Variants in DRC9 observed in about 807,000 individuals in gnomAD.
DRC9 encodes the protein dynein regulatory complex subunit 9.
the DRC9 span, chr3:197,950,860 G>C: frequency 2.2e-6 from 3 of 1,383,772 alleles, no homozygotes; most frequent in Non-Finnish European, 3.1e-6. Flanking sequence ...ATTTGCTTTA[G>C]GGGCTTAAAC....
At chr3:197,929,880 C>T in the DRC9 span, among the ~76,000 whole-genome samples, 1 of 151,718 alleles carries the variant, frequency 6.6e-6, no homozygotes, top group Non-Finnish European at 1.5e-5. This position sits in a 1 kb window ranked among gnomAD's most constrained non-coding sequence, Gnocchi z 4.6. Flanking sequence ...CCGAGGCAGG[C>T]GAGGCAGGCG....
the DRC9 span, chr3:197,892,509 C>T: frequency 6.5e-6 from 8 of 1,232,076 alleles, no homozygotes; most frequent in African/African-American, 1.5e-5. Context: ...CCTCGGTGAG[C>T]ACCCTGATTC....
At chr3:197,921,259 G>A in the DRC9 span, among the ~76,000 whole-genome samples, 1,321 of 128,006 alleles carry the variant, frequency 0.01, 156 homozygotes, top group South Asian at 0.022. Flanking sequence ...CAGTAACTCC[G>A]GGGATTTAAC....
chr3:197,914,184 T>C, the DRC9 span: 3 of 717,836 alleles, frequency 4.2e-6, no homozygotes, highest in African/African-American at 5.3e-5. Flanking sequence ...ATGGGAAATT[T>C]AGCCAACAAT....
chr3:197,931,926 A>T, the DRC9 span, among the ~76,000 whole-genome samples: 1 of 152,092 alleles, frequency 6.6e-6, no homozygotes, highest in Non-Finnish European at 1.5e-5. Flanking sequence ...CGCCCGGCCG[A>T]ATTCAATCTT....
chr3:197,904,110 A>ATATATAT, the DRC9 span, among the ~76,000 whole-genome samples: 2,204 of 80,544 alleles, frequency 0.027, 96 homozygotes, highest in Non-Finnish European at 0.037. Flanking sequence ...ATATATATAT[A>ATATATAT]TTTTTTTTTT....
chr3:197,952,162 G>GGTTTTT, the DRC9 span, among the ~76,000 whole-genome samples: 1 of 83,860 alleles, frequency 1.2e-5, no homozygotes, highest in African/African-American at 5.2e-5. Context: ...AAAATTATGG[G>GGTTTTT]TTTTTTTTTT....
chr3:197,959,997 T>C, the DRC9 span: 1 of 556,886 alleles, frequency 1.8e-6, no homozygotes, highest in Non-Finnish European at 3.2e-6. Flanking sequence ...CCGCTAGCCT[T>C]TCTTCCTCCC....
chr3:197,956,624 G>GTTTTTTTTTTTTTTTTTTTTTT, the DRC9 span: 3 of 135,196 alleles, frequency 2.2e-5, no homozygotes, highest in African/African-American at 8.3e-5. Context: ...TTGCTGTATG[G>GTTTTTTTTTTTTTTTTTTTTTT]TTTTTTTTTT....
chr3:197,912,366 T>C, the DRC9 span: 1 of 240,242 alleles, frequency 4.2e-6, no homozygotes, highest in African/African-American at 2.3e-5. Context: ...ATAATTTGAC[T>C]TAATAAATTT....
chr3:197,951,965 GT>G, the DRC9 span, among the ~76,000 whole-genome samples: 1 of 152,160 alleles, frequency 6.6e-6, no homozygotes, highest in Non-Finnish European at 1.5e-5. Context: ...TTAATGGGGA[GT>G]TTTAGAAGGA....
At chr3:197,938,387 C>G in the DRC9 span, among the ~76,000 whole-genome samples, 7 of 152,002 alleles carry the variant, frequency 4.6e-5, no homozygotes, top group African/African-American at 1.7e-4. Context: ...ATTCATATCA[C>G]CCTGCCTCTA....
At chr3:197,899,827 C>T in the DRC9 span, among the ~76,000 whole-genome samples, 1 of 152,030 alleles carries the variant, frequency 6.6e-6, no homozygotes, top group South Asian at 2.1e-4. Flanking sequence ...GGTAAGCAAT[C>T]GCAGTACCTG....
chr3:197,942,267 C>G, the DRC9 span, among the ~76,000 whole-genome samples: 3 of 151,452 alleles, frequency 2.0e-5, no homozygotes, highest in Non-Finnish European at 4.4e-5. Context: ...TTTAAGAACC[C>G]GGGCTGCTCG....
chr3:197,953,874 T>C, the DRC9 span: 2 of 821,740 alleles, frequency 2.4e-6, no homozygotes, highest in East Asian at 5.1e-5. Context: ...AATGGTGTTC[T>C]AGGCATTTAA....
the DRC9 span, chr3:197,912,662 T>A: frequency 1.2e-6 from 2 of 1,607,088 alleles, no homozygotes; most frequent in South Asian, 1.1e-5. Context: ...ATAGAAAAGC[T>A]GTGGGGACCC....
the DRC9 span, among the ~76,000 whole-genome samples, chr3:197,903,655 T>C: frequency 6.6e-6 from 1 of 151,814 alleles, no homozygotes; most frequent in Admixed American, 6.6e-5. Flanking sequence ...ATATATAAAA[T>C]ATAAAAGGCT....
chr3:197,929,871 C>T, the DRC9 span, among the ~76,000 whole-genome samples: 3 of 151,836 alleles, frequency 2.0e-5, no homozygotes, highest in African/African-American at 4.8e-5. This position sits in a 1 kb window ranked among gnomAD's most constrained non-coding sequence, Gnocchi z 4.6. Context: ...TTTGGGAGGC[C>T]GAGGCAGGCG....
At chr3:197,891,550 G>A in the DRC9 span, 1 of 1,495,556 alleles carries the variant, frequency 6.7e-7, no homozygotes, top group Middle Eastern at 1.7e-4. Flanking sequence ...TCTCTTATCT[G>A]CAAAGATAGA....
Sources: allele counts gnomAD v4.1 joint callset (sites outside exome capture counted in the v4.1 genomes callset), GRCh38; gene constraint gnomAD v4.1.1; non-coding constraint Gnocchi (gnomAD v3.1); transcripts MANE v1.5; gene names NCBI Gene and HGNC (gene_info 2026-07-23, HGNC 2026-07-21).